Variants in BPHL observed in about 807,000 individuals in gnomAD.
BPHL encodes the protein biphenyl hydrolase like, also known as serine hydrolase BPHL.
In BPHL, 27 loss-of-function variants were observed where a neutral mutation model predicts 31.2. That is an observed-to-expected ratio of 0.87 (90% CI 0.64 to 1.19). The LOEUF is 1.19. Among genes scored for constraint, BPHL ranks in the 50% most tolerant of loss-of-function variants. The pLI, the probability that BPHL is intolerant of heterozygous loss-of-function variation, is 0.00. For missense variants in BPHL, 356 were observed against 375.7 expected (o/e 0.95, Z 0.43); for synonymous variants, 150 against 146.8 (o/e 1.02, Z -0.16).
intron 6 of BPHL, among the ~76,000 whole-genome samples, chr6:3,148,468 T>C (rs1045211559): frequency 3.9e-5 from 6 of 152,210 alleles, no homozygotes; most frequent in East Asian, 1.9e-4. Context: ...TTCAGCTCCA[T>C]AGAAAAGTGA....
At chr6:3,141,516 C>T (rs772944171) in intron 6 of BPHL, among the ~76,000 whole-genome samples, 2 of 152,138 alleles carry the variant, frequency 1.3e-5, no homozygotes, top group East Asian at 1.9e-4. Context: ...TACAGGTGTG[C>T]GCCACCACGC....
At position 3,129,102 on chromosome 6, in the gene BPHL, C is replaced by T. The variant is rs138460017; in HGVS notation, c.436C>T (p.Leu146Phe). The part of the protein sequence containing the change: ...LGWSDGGITA[L>F]IAAAKYPSYI... The stretch of plus-strand genomic sequence containing the variant: ...GTGGAGTGATGGGGGCATAACCGCA[C>T]TCATTGCTGCTGCAAAATATCCATC... Residue 146 changes from leucine to phenylalanine, a missense_variant, in exon 4 of 7, where the codon CTC (leucine) becomes TTC (phenylalanine). By Grantham distance (22) the Leu-to-Phe change is conservative (BLOSUM62 0). Coordinates refer to ENST00000380379, the MANE Select transcript of BPHL (RefSeq NM_004332.4). 16 of 1,613,708 alleles carry T rather than the reference C, an allele frequency of 9.9e-6. No individual in the cohort carries two copies. The East Asian group carries it at 2.5e-4, about 25-fold the overall frequency.
chr6:3,135,695 T>C (rs1304645961), intron 4 of BPHL, among the ~76,000 whole-genome samples: 1 of 152,242 alleles, frequency 6.6e-6, no homozygotes, highest in East Asian at 1.9e-4. Flanking sequence ...CGTGGTGTTC[T>C]GCATAATTTC....
chr6:3,138,897 TA>T (rs1762087958), intron 5 of BPHL: 1 of 152,232 alleles, frequency 6.6e-6, no homozygotes, highest in African/African-American at 2.4e-5. Context: ...TAGCAGTGTA[TA>T]AACTGTCTCA....
intron 4 of BPHL, among the ~76,000 whole-genome samples, chr6:3,130,234 C>T (rs1285365076): frequency 6.6e-6 from 1 of 152,190 alleles, no homozygotes; most frequent in Non-Finnish European, 1.5e-5. Flanking sequence ...TCACAGAGAC[C>T]AAGCTGGGGT....
chr6:3,132,176 C>T (rs542517799), intron 4 of BPHL, among the ~76,000 whole-genome samples: 3 of 152,280 alleles, frequency 2.0e-5, no homozygotes, highest in South Asian at 2.1e-4. Context: ...GGCTGTGGCC[C>T]GCCAGTGTGC....
intron 2 of BPHL, among the ~76,000 whole-genome samples, chr6:3,124,740 T>G (rs1212569216): frequency 6.7e-6 from 1 of 150,232 alleles, no homozygotes; most frequent in Non-Finnish European, 1.5e-5. Flanking sequence ...GTTCCGAGGT[T>G]GGTTGAATCC....
chr6:3,118,644 G>T, upstream of BPHL: 1 of 853,316 alleles, frequency 1.2e-6, no homozygotes, highest in South Asian at 5.7e-5. Flanking sequence ...GAGGCGAGGT[G>T]GGCGGAGCAG....
intron 4 of BPHL, among the ~76,000 whole-genome samples, chr6:3,136,662 C>T (rs532806180): frequency 6.6e-6 from 1 of 152,304 alleles, no homozygotes; most frequent in East Asian, 1.9e-4. Flanking sequence ...ACGTGTAGCT[C>T]TCAGGAAGCA....
chr6:3,128,714 G>A (rs998048903), intron 3 of BPHL, among the ~76,000 whole-genome samples: 8 of 152,216 alleles, frequency 5.3e-5, no homozygotes, highest in Admixed American at 2.0e-4. Flanking sequence ...ATGCACACAC[G>A]TGCACACGCA....
At chr6:3,137,932 C>T (rs758690438) in intron 5 of BPHL, 60 of 1,196,972 alleles carry the variant, frequency 5.0e-5, no homozygotes, top group South Asian at 7.7e-5. Context: ...TTAATCTCAA[C>T]GGAATTAATA....
chr6:3,129,034 T>C lies in BPHL; in HGVS notation c.379-11T>C. The C allele has an allele frequency of 1.2e-6, 2 of 1,614,264 alleles. No homozygotes were observed. Among genetic ancestry groups the C allele is most frequent in the Non-Finnish European group, 1.7e-6 (2 of 1,180,034 alleles). On this transcript the variant is annotated splice_polypyrimidine_tract_variant and intron_variant, in intron 3 of 6. Coordinates refer to ENST00000380379, the MANE Select transcript of BPHL (RefSeq NM_004332.4). ...ATAACCCGTGCCGTGCATTTTGTCG[T>C]ATGATCATAGGCGCTGAAGTTTAAG... is the stretch of plus-strand genomic sequence containing the variant.
Position 3,137,510 on chromosome 6 carries a change from G to GA in BPHL, c.664+19dup, listed in dbSNP as rs746580618. 3.0e-5 allele frequency: 49 copies of GA among 1,613,628 alleles called. No individual in the cohort carries two copies. In the African/African-American group the frequency reaches 5.7e-4, roughly 19 times the overall value. Reference sequence around the variant, plus strand: ...TCCCAGATGGTAGGTTACTGGGCTTGAAGGGCTCTCTGCCTGTTATAGAGG... The same window carrying GA: ...TCCCAGATGGTAGGTTACTGGGCTTGAAAGGGCTCTCTGCCTGTTATAGAGG... On this transcript the variant is annotated intron_variant, in intron 5 of 6. Coordinates refer to ENST00000380379, the MANE Select transcript of BPHL (RefSeq NM_004332.4).
chr6:3,122,397 G>T (rs1407880229), intron 1 of BPHL, among the ~76,000 whole-genome samples: 1 of 152,248 alleles, frequency 6.6e-6, no homozygotes, highest in Non-Finnish European at 1.5e-5. Flanking sequence ...TTGCCATCAT[G>T]TCCCTCCTGT....
intron 6 of BPHL, among the ~76,000 whole-genome samples, chr6:3,146,633 G>T (rs555017927): frequency 1.4e-5 from 2 of 144,676 alleles, no homozygotes; most frequent in South Asian, 4.6e-4. Flanking sequence ...TGCTGGTTCG[G>T]GTCGGAGTGC....
In BPHL at chr6:3,145,681, T is replaced by TC. The variant is rs201910498; in HGVS notation, c.788+5172_788+5173insC. 7.0e-3 allele frequency among the ~76,000 whole-genome samples: 427 copies of TC among 60,770 alleles called. 120 individuals carry two copies. Among genetic ancestry groups the TC allele is most frequent in the Non-Finnish European group, 0.013 (329 of 26,186 alleles). The allele number at this position is 60,770 out of a possible 152,430, so 39.9% of individuals were successfully genotyped here. ...TGCTGGTTTGGGTCGGAGTGCTGGT[T>TC]TGGGTCGAGTGCTGGTTCAGGTTGG... On this transcript the variant is annotated intron_variant, in intron 6 of 6. Transcript: ENST00000380379.
At chr6:3,152,208 A>AC (rs1209669433) in intron 6 of BPHL, among the ~76,000 whole-genome samples, 4 of 152,166 alleles carry the variant, frequency 2.6e-5, no homozygotes, top group Admixed American at 6.5e-5. Context: ...TTCCAGTCAA[A>AC]CCATTTGTTA....
At chr6:3,141,333 G>A (rs1762168779) in intron 6 of BPHL, among the ~76,000 whole-genome samples, 1 of 152,156 alleles carries the variant, frequency 6.6e-6, no homozygotes, top group African/African-American at 2.4e-5. Flanking sequence ...AGTTAGGCAG[G>A]ATTATACTGC....
chr6:3,133,112 C>G (rs1026092258), intron 4 of BPHL, among the ~76,000 whole-genome samples: 1 of 152,162 alleles, frequency 6.6e-6, no homozygotes, highest in South Asian at 2.1e-4. Context: ...TCTTTAACAA[C>G]GTGATATCCA....
Sources: gnomAD v4.1 joint callset for allele counts (sites outside exome capture counted in the v4.1 genomes callset) on GRCh38, gnomAD v4.1.1 for gene constraint, MANE v1.5 for transcripts, NCBI Gene and HGNC (gene_info 2026-07-23, HGNC 2026-07-21) for gene names.